Variants in OTULINL observed in about 807,000 individuals in gnomAD.
OTULINL encodes the protein inactive ubiquitin thioesterase OTULINL.
In OTULINL, 42 loss-of-function variants were observed where a neutral mutation model predicts 43.9. That is an observed-to-expected ratio of 0.96 (90% CI 0.75 to 1.24). OTULINL has a LOEUF of 1.24. Among genes scored for constraint, OTULINL ranks in the 50% most tolerant of loss-of-function variants. OTULINL has a pLI of 0.00. For missense variants in OTULINL, 411 were observed against 426.4 expected, an observed-to-expected ratio of 0.96 and a Z score of 0.32; for synonymous variants, 172 against 153.6, an observed-to-expected ratio of 1.12 and a Z score of -0.88.
intron 7 of OTULINL, among the ~76,000 whole-genome samples, chr5:14,609,446 T>C (rs1759538032): frequency 6.6e-6 from 1 of 152,240 alleles, no homozygotes; most frequent in Admixed American, 6.5e-5. Flanking sequence ...AGAGTTTCTT[T>C]TTTGTTTTGC....
chr5:14,606,644 T>C (rs1307396871), intron 5 of OTULINL, among the ~76,000 whole-genome samples: 1 of 152,174 alleles, frequency 6.6e-6, no homozygotes, highest in African/African-American at 2.4e-5. Context: ...TCTCAGCTGG[T>C]GAGTGACAGC....
At chr5:14,608,664 A>C in intron 6 of OTULINL, 84 bp from the exon 7 acceptor site, 5 of 1,103,786 alleles carry the variant, frequency 4.5e-6, no homozygotes, top group Non-Finnish European at 6.4e-6. Flanking sequence ...TCTTTGGTTT[A>C]TTTTATAAAT....
intron 1 of OTULINL, among the ~76,000 whole-genome samples, chr5:14,594,099 G>A (rs1759248062): frequency 6.6e-6 from 1 of 150,412 alleles, no homozygotes; most frequent in African/African-American, 2.5e-5. Context: ...GATTTATTAA[G>A]AGGGTGTTTT....
chr5:14,609,621 ATTTTTTTTTTTTTT>A (rs201855537), intron 7 of OTULINL, among the ~76,000 whole-genome samples: 3 of 102,214 alleles, frequency 2.9e-5, no homozygotes, highest in Non-Finnish European at 6.2e-5. Flanking sequence ...TTTTCCTGTG[ATTTTTTTTTTTTTT>A]TTTTTTTTTT....
rs1452990093 is a variant in OTULINL, at chr5:14,615,130, C to G, written c.*4816C>G. 5.8e-6 allele frequency: 1 copy of G among 171,252 alleles called. No individual in the cohort carries two copies. The highest frequency in any genetic ancestry group is 2.4e-5 in the African/African-American group (1 of 42,336). 10.6% of individuals were successfully genotyped at this position (171,252 alleles called of 1,614,324 possible). ...GCTTGTTCACAAGTTTGAAAAGGTG[C>G]ATGAGGCACCAATCAGTGACACTGG... On this transcript the variant is annotated 3_prime_UTR_variant, in exon 8 of 8. Transcript: ENST00000274217.
At chr5:14,594,926 A>G (rs906225104) in intron 1 of OTULINL, among the ~76,000 whole-genome samples, 3 of 151,664 alleles carry the variant, frequency 2.0e-5, no homozygotes, top group Admixed American at 6.6e-5. Flanking sequence ...TTCCTATTCC[A>G]TCAGCCTCTC....
chr5:14,581,838 GACAGACCACT>G lies in OTULINL; in HGVS notation c.-56_-47del, dbSNP rs1474492528. The stretch of plus-strand genomic sequence containing the variant: ...GCGCCGGCGGGCGGCCGTCGCGTCT[GACAGACCACT>G]GCAGACCACGGGCCGAGGCCCAGCG... On this transcript the variant is annotated 5_prime_UTR_variant, in exon 1 of 8. Transcript: ENST00000274217. 5 of 1,317,364 alleles carry G rather than the reference GACAGACCACT, an allele frequency of 3.8e-6. No individual in the cohort carries two copies. The highest frequency in any genetic ancestry group is 3.2e-5 in the East Asian group (1 of 30,926). 81.6% of individuals were successfully genotyped at this position (1,317,364 alleles called of 1,614,324 possible).
chr5:14,603,388 A>C (rs1049246033), intron 5 of OTULINL, among the ~76,000 whole-genome samples: 2 of 152,246 alleles, frequency 1.3e-5, no homozygotes, highest in African/African-American at 4.8e-5. Context: ...GTTTAACTTC[A>C]TAAGAAACTG....
Position 14,616,107 on chromosome 5 carries a change from C to G in OTULINL, c.*5793C>G, listed in dbSNP as rs1435264018. On this transcript the variant is annotated 3_prime_UTR_variant, in exon 8 of 8. Coordinates refer to ENST00000274217, the MANE Select transcript of OTULINL (RefSeq NM_019018.3). ...CAAGATTAGATTGTTATAAAAGTTT[C>G]TAAACACTTTCAGTTTCTGTACTTA... 6.6e-6 allele frequency among the ~76,000 whole-genome samples: 1 copy of G among 152,170 alleles called. No individual in the cohort carries two copies. The highest frequency in any genetic ancestry group is 1.5e-5 in the Non-Finnish European group (1 of 68,018).
intron 7 of OTULINL, among the ~76,000 whole-genome samples, chr5:14,609,228 G>T (rs1008151710): frequency 4.6e-5 from 7 of 152,194 alleles, no homozygotes; most frequent in African/African-American, 1.7e-4. Flanking sequence ...CCTCTAGCCA[G>T]AGAGCACCAA....
Position 14,608,740 on chromosome 5 carries a change from GTTT to G in OTULINL, c.628-5_628-3del. ...CCTTCTGAATTTCACTTTTACATCT[GTTT>G]TTAGTGGACTGAATTTAATGGCATT... On this transcript the variant is annotated splice_polypyrimidine_tract_variant and splice_region_variant and intron_variant, in intron 6 of 7. Transcript: ENST00000274217. The G allele has an allele frequency of 6.3e-7, 1 of 1,592,860 alleles. No individual in the cohort carries two copies. Among genetic ancestry groups the G allele is most frequent in the Non-Finnish European group, 8.6e-7 (1 of 1,165,410 alleles).
intron 1 of OTULINL, among the ~76,000 whole-genome samples, chr5:14,591,240 C>T (rs1385280260): frequency 6.6e-6 from 1 of 152,224 alleles, no homozygotes; most frequent in African/African-American, 2.4e-5. Flanking sequence ...AACTGGCCCA[C>T]ATGATCTGGA....
chr5:14,608,940 A>G lies in OTULINL; in HGVS notation c.820A>G (p.Arg274Gly), dbSNP rs763277192. 4.3e-6 allele frequency: 7 copies of G among 1,614,072 alleles called. No homozygotes were observed. The East Asian group carries it at 6.7e-5, about 15-fold the overall frequency. ...IPSLFRLLFSRETSSDPLSFM... is the reference protein window; with the variant it reads ...IPSLFRLLFSGETSSDPLSFM... ...CAGTCTTTTTAGACTCCTGTTTTCC[A>G]GGGAGACATCCTCTGATCCTTTGAG... is the stretch of plus-strand genomic sequence containing the variant. Residue 274 changes from arginine (R) to glycine (G), a missense_variant, in exon 7 of 8, where the codon AGG (arginine) becomes GGG (glycine). Physicochemically the swap from Arg to Gly is moderately radical, Grantham distance 125. Coordinates refer to ENST00000274217, the MANE Select transcript of OTULINL (RefSeq NM_019018.3).
chr5:14,592,138 G>C (rs888146578), intron 1 of OTULINL, among the ~76,000 whole-genome samples: 2 of 151,994 alleles, frequency 1.3e-5, no homozygotes, highest in African/African-American at 4.8e-5. Flanking sequence ...TGAAGAATGT[G>C]GTCACCTTGT....
rs536328544 is a variant in OTULINL, at chr5:14,600,855, A to G, written c.65-110A>G. The G allele has an allele frequency of 5.1e-5, 49 of 954,662 alleles. 1 individual carries two copies. In the South Asian group the frequency reaches 1.3e-3, roughly 26 times the overall value. 59.1% of individuals were successfully genotyped at this position (954,662 alleles called of 1,614,324 possible). ...AAATATTTATGTAAATCAGTGATAG[A>G]TACTTTGCAGGTAAAATTATGCAAT... On this transcript the variant is annotated intron_variant, in intron 1 of 7. Coordinates refer to ENST00000274217, the MANE Select transcript of OTULINL (RefSeq NM_019018.3).
In OTULINL at chr5:14,588,354, A is replaced by T. The variant is rs3804207; in HGVS notation, c.64+6396A>T. Among the ~76,000 whole-genome samples, 5 of 152,270 alleles carry T rather than the reference A, an allele frequency of 3.3e-5. No individual in the cohort carries two copies. In the East Asian group the frequency reaches 5.8e-4, roughly 18 times the overall value. The stretch of plus-strand genomic sequence containing the variant: ...TGAGGTCCAGATGGCTCAGCTGTCT[A>T]GGACCGGACCCTGAGTTCCTGACTC... On this transcript the variant is annotated intron_variant, in intron 1 of 7. Coordinates refer to ENST00000274217, the MANE Select transcript of OTULINL (RefSeq NM_019018.3).
intron 1 of OTULINL, among the ~76,000 whole-genome samples, chr5:14,582,468 C>A (rs952254941): frequency 5.3e-5 from 8 of 151,932 alleles, no homozygotes; most frequent in African/African-American, 1.9e-4. Flanking sequence ...TCGAGACTTG[C>A]TAACAACACA....
chr5:14,585,042 C>T (rs1389698370), intron 1 of OTULINL, among the ~76,000 whole-genome samples: 1 of 152,066 alleles, frequency 6.6e-6, no homozygotes, highest in Non-Finnish European at 1.5e-5. Flanking sequence ...GCAAACATTC[C>T]CTCCGCATGC....
intron 5 of OTULINL, among the ~76,000 whole-genome samples, chr5:14,605,676 C>T (rs577625362): frequency 5.9e-5 from 9 of 152,298 alleles, no homozygotes; most frequent in African/African-American, 2.2e-4. Context: ...AAATTTCTTT[C>T]ACCAGATACT....
Sources: gnomAD v4.1 joint callset for allele counts (sites outside exome capture counted in the v4.1 genomes callset) on GRCh38, gnomAD v4.1.1 for gene constraint, MANE v1.5 for transcripts, NCBI Gene and HGNC (gene_info 2026-07-23, HGNC 2026-07-21) for gene names.